The following EPB41 variants were observed in gnomAD, a reference collection of about 807,000 sequenced individuals.
The protein encoded by EPB41 is protein 4.1.
In EPB41, 65 loss-of-function variants were observed where a neutral mutation model predicts 108.0. The ratio of observed to expected loss-of-function variants is 0.60; its 90% CI spans 0.49 to 0.74. The LOEUF (loss-of-function observed/expected upper bound fraction) is 0.74. Among genes scored for constraint, EPB41 ranks in the 30% least tolerant of loss-of-function variants. The pLI is 0.00. For missense variants in EPB41, 875 were observed against 1,037.0 expected, an observed-to-expected ratio of 0.84 and a Z score of 2.15; for synonymous variants, 336 against 358.9, an observed-to-expected ratio of 0.94 and a Z score of 0.72.
chr1:29,004,189 C>G (rs2096357315), intron 4 of EPB41, among the ~76,000 whole-genome samples: 1 of 152,124 alleles, frequency 6.6e-6, no homozygotes, highest in African/African-American at 2.4e-5. Context: ...AGGATTTTTT[C>G]CTTGGGAGAG....
At chr1:29,040,455 ATTTTTAGTAGAGAC>A (rs2150449371) in intron 11 of EPB41, among the ~76,000 whole-genome samples, 1 of 151,868 alleles carries the variant, frequency 6.6e-6, no homozygotes, top group South Asian at 2.1e-4. Flanking sequence ...TAATTTTTGT[ATTTTTAGTAGAGAC>A]AGGGTTTCAC....
At chr1:28,931,445 AT>A (rs1344584867) in intron 1 of EPB41, among the ~76,000 whole-genome samples, 1 of 151,100 alleles carries the variant, frequency 6.6e-6, no homozygotes, top group Non-Finnish European at 1.5e-5. Flanking sequence ...TAACATTTTA[AT>A]TAACTGATAT....
intron 16 of EPB41, among the ~76,000 whole-genome samples, chr1:29,079,294 G>A (rs752843850): frequency 1.7e-4 from 26 of 152,014 alleles, no homozygotes; most frequent in Non-Finnish European, 2.2e-4. Flanking sequence ...CCCTCGCCCC[G>A]CCAGAAAAAT....
intron 4 of EPB41, among the ~76,000 whole-genome samples, chr1:29,007,103 T>A (rs1382488882): frequency 6.6e-6 from 1 of 152,088 alleles, no homozygotes; most frequent in African/African-American, 2.4e-5. Context: ...TGTATAATTT[T>A]TTTTTTTGAG....
intron 1 of EPB41, among the ~76,000 whole-genome samples, chr1:28,917,244 C>CTG (rs1422819673): frequency 3.3e-4 from 50 of 151,614 alleles, no homozygotes; most frequent in African/African-American, 1.2e-3. Context: ...TGCCATCTCT[C>CTG]TCTCTGTGTG....
intron 11 of EPB41, among the ~76,000 whole-genome samples, chr1:29,040,574 C>T (rs1641117005): frequency 6.6e-6 from 1 of 152,122 alleles, no homozygotes; most frequent in Non-Finnish European, 1.5e-5. Flanking sequence ...ATCCACCATG[C>T]CCAGCCATAC....
At chr1:29,097,676 TA>T in intron 16 of EPB41, 130 bp from the exon 17 acceptor site, 1 of 1,120,984 alleles carries the variant, frequency 8.9e-7, no homozygotes, top group Non-Finnish European at 1.3e-6. Flanking sequence ...TTAGGCAGGG[TA>T]AACACCTTTG....
At chr1:29,086,070 A>G (rs1658774483) in intron 16 of EPB41, among the ~76,000 whole-genome samples, 1 of 152,170 alleles carries the variant, frequency 6.6e-6, no homozygotes, top group African/African-American at 2.4e-5. Flanking sequence ...TAAATTGTTT[A>G]CTAGACTCTT....
At chr1:28,965,593 T>C (rs1196339944) in intron 1 of EPB41, among the ~76,000 whole-genome samples, 2 of 152,134 alleles carry the variant, frequency 1.3e-5, no homozygotes, top group African/African-American at 4.8e-5. Context: ...CATTTTTTTT[T>C]CAGAGCACAT....
rs1480956966 is a variant in EPB41 at position 29,018,370 on chromosome 1, G to A, written c.1052G>A (p.Ser351Asn). 1.2e-6 allele frequency: 2 copies of A among 1,614,052 alleles called. No homozygotes were observed. The highest frequency in any genetic ancestry group is 2.7e-5 in the African/African-American group (2 of 74,936). ...DPELHGVDYV[S>N]DFKLAPNQTK... ...GAACTCCATGGCGTGGATTATGTTA[G>A]TGATTTTAAACTGGCCCCGAATCAG... Residue 351 changes from serine (S) to asparagine (N), a missense_variant, in exon 7 of 21, where the codon AGT (serine) becomes AAT (asparagine). Transcript: ENST00000343067. This position sits in a 1 kb window ranked among gnomAD's most constrained non-coding sequence, Gnocchi z 4.4.
chr1:28,986,182 A>AT (rs1212096865), intron 1 of EPB41, among the ~76,000 whole-genome samples: 1 of 151,982 alleles, frequency 6.6e-6, no homozygotes, highest in Non-Finnish European at 1.5e-5. Flanking sequence ...ATGGCTGCAT[A>AT]TTTTTTAATT....
In EPB41 at chr1:29,077,329, G is replaced by A. The variant is rs558264626; in HGVS notation, c.2184+12171G>A. On this transcript the variant is annotated intron_variant, in intron 16 of 20. Transcript: ENST00000343067. ...CACAAGCCTGTACTCCCAGCTACTC[G>A]GGAGGCTGAGGCAGGAGGATCACTT... Among the ~76,000 whole-genome samples, 9 of 152,052 alleles carry A rather than the reference G, an allele frequency of 5.9e-5. 1 individual carries two copies. The highest frequency in any genetic ancestry group is 4.6e-4 in the Admixed American group (7 of 15,266).
chr1:28,915,230 A>C (rs1020740455), intron 1 of EPB41, among the ~76,000 whole-genome samples: 3 of 152,180 alleles, frequency 2.0e-5, no homozygotes, highest in Non-Finnish European at 2.9e-5. Flanking sequence ...TGAGGACTGC[A>C]GGGAGCCCTG....
intron 8 of EPB41, among the ~76,000 whole-genome samples, chr1:29,031,275 T>C (rs1227421099): frequency 6.6e-6 from 1 of 152,162 alleles, no homozygotes; most frequent in Non-Finnish European, 1.5e-5. Flanking sequence ...TGCAGTAACA[T>C]TTGAAAATAT....
At chr1:29,048,369 C>T (rs944876097) in intron 11 of EPB41, among the ~76,000 whole-genome samples, 1 of 152,064 alleles carries the variant, frequency 6.6e-6, no homozygotes, top group Non-Finnish European at 1.5e-5. Flanking sequence ...CATGCACCAC[C>T]ACGCCCGGCT....
At chr1:29,092,095 T>C (rs1022155228) in intron 16 of EPB41, among the ~76,000 whole-genome samples, 13 of 141,804 alleles carry the variant, frequency 9.2e-5, no homozygotes, top group African/African-American at 3.5e-4. Context: ...CTTACCTTCT[T>C]TTTTTTTTTT....
At chr1:29,034,507 C>G (rs1406566393) in intron 9 of EPB41, among the ~76,000 whole-genome samples, 2 of 152,140 alleles carry the variant, frequency 1.3e-5, no homozygotes, top group African/African-American at 4.8e-5. Flanking sequence ...ACTTCTCTGA[C>G]CTCAGTTTCT....
intron 2 of EPB41, among the ~76,000 whole-genome samples, chr1:28,988,987 G>A (rs2095941356): frequency 6.6e-6 from 1 of 152,158 alleles, no homozygotes; most frequent in South Asian, 2.1e-4. Context: ...AAGATGAGAT[G>A]GTTTAGAGTT....
At chr1:29,025,991 G>A (rs545706100) in intron 7 of EPB41, among the ~76,000 whole-genome samples, 2 of 152,134 alleles carry the variant, frequency 1.3e-5, no homozygotes, top group African/African-American at 4.8e-5. Flanking sequence ...GATGTGGAGG[G>A]CATCCATACA....
Sources: allele counts gnomAD v4.1 joint callset (sites outside exome capture counted in the v4.1 genomes callset), GRCh38; gene constraint gnomAD v4.1.1; non-coding constraint Gnocchi (gnomAD v3.1); transcripts MANE v1.5; gene names NCBI Gene and HGNC (gene_info 2026-07-23, HGNC 2026-07-21).